The following GALNT13 variants were observed in gnomAD, a reference collection of about 807,000 sequenced individuals.
GALNT13 encodes the protein polypeptide N-acetylgalactosaminyltransferase 13.
Under a neutral mutation model 64.2 loss-of-function variants are expected in GALNT13, and 28 were observed. That is an observed-to-expected ratio of 0.44 (90% confidence interval 0.32 to 0.60). The LOEUF is 0.60. Among genes scored for constraint, GALNT13 ranks in the 20% least tolerant of loss-of-function variants. The pLI, the probability that GALNT13 is intolerant of heterozygous loss-of-function variation, is 0.05. For synonymous variants in GALNT13, 214 were observed against 224.6 expected, an observed-to-expected ratio of 0.95 and a Z score of 0.42; for missense variants, 577 against 669.8, an observed-to-expected ratio of 0.86 and a Z score of 1.53.
intron 3 of GALNT13, among the ~76,000 whole-genome samples, chr2:154,076,338 A>C (rs1381120856): frequency 6.6e-6 from 1 of 151,786 alleles, no homozygotes; most frequent in Admixed American, 6.6e-5. Context: ...GAGAAGGATC[A>C]GAAATCGCAG....
intron 3 of GALNT13, among the ~76,000 whole-genome samples, chr2:154,023,238 G>T (rs1381971140): frequency 6.6e-6 from 1 of 152,104 alleles, no homozygotes; most frequent in Non-Finnish European, 1.5e-5. Flanking sequence ...TTCAATTCCT[G>T]GGTATCCTTG....
chr2:154,383,588 C>T, intron 9 of GALNT13, among the ~76,000 whole-genome samples: 1 of 151,974 alleles, frequency 6.6e-6, no homozygotes, highest in Non-Finnish European at 1.5e-5. Flanking sequence ...TCTTTACTAA[C>T]TCATAATTTT....
intron 9 of GALNT13, among the ~76,000 whole-genome samples, chr2:154,322,061 G>A (rs888225155): frequency 3.4e-5 from 5 of 148,824 alleles, no homozygotes; most frequent in Non-Finnish European, 5.9e-5. Flanking sequence ...ATTCACAGGA[G>A]TCTAAGACCA....
chr2:153,848,695 A>G, the GALNT13 span, among the ~76,000 whole-genome samples: 1 of 152,122 alleles, frequency 6.6e-6, no homozygotes, highest in African/African-American at 2.4e-5. Flanking sequence ...AATATATGCT[A>G]TCAATATGAA....
At chr2:153,112,200 G>A in the GALNT13 span, among the ~76,000 whole-genome samples, 3 of 152,052 alleles carry the variant, frequency 2.0e-5, no homozygotes, top group Admixed American at 6.6e-5. Flanking sequence ...TCTCATTTGC[G>A]AGTTTGGGTA....
intron 3 of GALNT13, among the ~76,000 whole-genome samples, chr2:153,981,728 A>G (rs969823153): frequency 6.6e-6 from 1 of 152,008 alleles, no homozygotes; most frequent in African/African-American, 2.4e-5. Flanking sequence ...AACACTTTGA[A>G]TTTTGCTTTG....
chr2:153,649,264 A>G, the GALNT13 span, among the ~76,000 whole-genome samples: 2 of 152,210 alleles, frequency 1.3e-5, no homozygotes, highest in Non-Finnish European at 2.9e-5. Context: ...AGGTGTTTAT[A>G]GTATTCTCTG....
the GALNT13 span, among the ~76,000 whole-genome samples, chr2:153,637,863 G>A: frequency 1.3e-5 from 2 of 151,910 alleles, no homozygotes; most frequent in South Asian, 4.1e-4. Context: ...CATTCAATAC[G>A]AATTGGGCAA....
chr2:153,628,490 G>T, the GALNT13 span, among the ~76,000 whole-genome samples: 3 of 151,228 alleles, frequency 2.0e-5, no homozygotes, highest in Admixed American at 6.6e-5. Flanking sequence ...GTTTGTCATA[G>T]ATAGCTCTTA....
At chr2:153,856,016 G>A in the GALNT13 span, among the ~76,000 whole-genome samples, 1 of 152,242 alleles carries the variant, frequency 6.6e-6, no homozygotes, top group Non-Finnish European at 1.5e-5. Context: ...GTGCAGAATA[G>A]GCAAATATGT....
intron 7 of GALNT13, among the ~76,000 whole-genome samples, chr2:154,246,289 A>C (rs1429199376): frequency 6.6e-6 from 1 of 152,140 alleles, no homozygotes; most frequent in Non-Finnish European, 1.5e-5. Context: ...TGACACTTCA[A>C]GTAAATGTGT....
chr2:154,316,678 G>T (rs940815300), intron 9 of GALNT13, among the ~76,000 whole-genome samples: 4 of 152,130 alleles, frequency 2.6e-5, no homozygotes, highest in Admixed American at 2.0e-4. Flanking sequence ...CATGGCAGAG[G>T]GCAAGGGAAT....
the GALNT13 span, among the ~76,000 whole-genome samples, chr2:153,464,735 G>T: frequency 1.8e-3 from 280 of 152,104 alleles, 3 homozygotes; most frequent in African/African-American, 6.2e-3. Flanking sequence ...ATGTTTAAGG[G>T]TGATATCACC....
At chr2:154,292,227 G>A (rs1003733137) in intron 8 of GALNT13, among the ~76,000 whole-genome samples, 2 of 152,082 alleles carry the variant, frequency 1.3e-5, no homozygotes, top group Non-Finnish European at 2.9e-5. Context: ...TACTAGATGT[G>A]TCTGTGGGAT....
At chr2:153,642,069 G>T in the GALNT13 span, among the ~76,000 whole-genome samples, 1 of 151,804 alleles carries the variant, frequency 6.6e-6, no homozygotes, top group Non-Finnish European at 1.5e-5. Flanking sequence ...GTGTCTAGGG[G>T]AAGTACTAAG....
intron 3 of GALNT13, among the ~76,000 whole-genome samples, chr2:154,063,900 G>A (rs1227427924): frequency 6.6e-6 from 1 of 152,144 alleles, no homozygotes; most frequent in African/African-American, 2.4e-5. Context: ...CAAAAAAGCA[G>A]CACCTTCATA....
chr2:154,321,502 A>G (rs1694623349), intron 9 of GALNT13, among the ~76,000 whole-genome samples: 1 of 152,198 alleles, frequency 6.6e-6, no homozygotes, highest in South Asian at 2.1e-4. Context: ...TTTTTGATCA[A>G]GCATGTATTA....
chr2:153,129,918 C>T, the GALNT13 span, among the ~76,000 whole-genome samples: 12 of 152,250 alleles, frequency 7.9e-5, no homozygotes, highest in Non-Finnish European at 1.3e-4. Flanking sequence ...GTCTTTATGA[C>T]GTTTAAAAGA....
intron 8 of GALNT13, among the ~76,000 whole-genome samples, chr2:154,259,782 A>C (rs1322534760): frequency 6.6e-6 from 1 of 152,186 alleles, no homozygotes; most frequent in East Asian, 1.9e-4. Flanking sequence ...TTTCATGCTA[A>C]GAAATTGATA....
Sources: allele counts gnomAD v4.1 joint callset (sites outside exome capture counted in the v4.1 genomes callset), GRCh38; gene constraint gnomAD v4.1.1; transcripts MANE v1.5; gene names NCBI Gene and HGNC (gene_info 2026-07-23, HGNC 2026-07-21).